LIMCH1: variants seen among roughly 807,000 people sequenced by gnomAD.
The protein encoded by LIMCH1 is LIM and calponin homology domains-containing protein 1.
A neutral mutation model predicts 176.5 loss-of-function variants in LIMCH1; 113 were observed. The observed-to-expected ratio is 0.64, with a 90% CI of 0.55 to 0.75. LIMCH1 has a LOEUF of 0.75. LIMCH1 is among the 30% of genes least tolerant of loss of function. The pLI, the probability that LIMCH1 is intolerant of heterozygous loss-of-function variation, is 0.00. For synonymous variants in LIMCH1, 619 were observed against 645.9 expected, an observed-to-expected ratio of 0.96 and a Z score of 0.63; for missense variants, 1,674 against 1,814.9, an observed-to-expected ratio of 0.92 and a Z score of 1.41.
chr4:41,395,007 C>A (rs1482585931), intron 1 of LIMCH1, among the ~76,000 whole-genome samples: 2 of 152,080 alleles, frequency 1.3e-5, no homozygotes, highest in African/African-American at 4.8e-5. Context: ...AACTGAACTG[C>A]AGATGAATTT....
chr4:41,513,246 T>C (rs2075150539), intron 2 of LIMCH1, among the ~76,000 whole-genome samples: 1 of 152,216 alleles, frequency 6.6e-6, no homozygotes, highest in South Asian at 2.1e-4. Flanking sequence ...AAATACTACA[T>C]GGCTTTTGCA....
Position 41,543,487 on chromosome 4 carries a change from A to G in LIMCH1, c.-241+5137A>G, listed in dbSNP as rs1009968486. On this transcript the variant is annotated intron_variant, in intron 1 of 31. Coordinates refer to ENST00000503057, the MANE Select transcript of LIMCH1 (RefSeq NM_001330672.2). Reference sequence around the variant, plus strand: ...GCTGAGTTTAATATATATGACAACTAAACTTTCGGCCCATATTGCACCAAA... The same window carrying G: ...GCTGAGTTTAATATATATGACAACTGAACTTTCGGCCCATATTGCACCAAA... Among the ~76,000 whole-genome samples, 13 of 152,300 alleles carry G rather than the reference A, an allele frequency of 8.5e-5. No individual in the cohort carries two copies. In the East Asian group the frequency reaches 2.5e-3, roughly 29 times the overall value.
chr4:41,465,190 G>A (rs944657330), intron 1 of LIMCH1, among the ~76,000 whole-genome samples: 4 of 152,036 alleles, frequency 2.6e-5, no homozygotes, highest in Admixed American at 2.6e-4. Context: ...TCTCAGCAGA[G>A]CCCCCAACTT....
In LIMCH1 at chr4:41,430,888, G is replaced by GT. The variant is rs554868026; in HGVS notation, c.97-63638dup. ...TGAAAGCCAGTTGGTTTTCTGTTTT[G>GT]TTTTTTTTTTCTATGTGTCTTTCAG... On this transcript the variant is annotated intron_variant, in intron 1 of 26. Coordinates refer to the LIMCH1 transcript ENST00000313860. Among the ~76,000 whole-genome samples the GT allele has an allele frequency of 2.1e-3, 314 of 147,686 alleles. 1 individual carries two copies. Among genetic ancestry groups the GT allele is most frequent in the South Asian group, 4.1e-3 (19 of 4,666 alleles).
chr4:41,477,326 A>G (rs980475039), intron 1 of LIMCH1, among the ~76,000 whole-genome samples: 1 of 152,144 alleles, frequency 6.6e-6, no homozygotes, highest in African/African-American at 2.4e-5. Flanking sequence ...CAGTAGCTTT[A>G]TGTGAATTAG....
At chr4:41,386,555 A>G (rs1037954927) in intron 1 of LIMCH1, among the ~76,000 whole-genome samples, 47 of 152,190 alleles carry the variant, frequency 3.1e-4, no homozygotes, top group African/African-American at 1.1e-3. Context: ...TGACTTTCCT[A>G]TATTGGATAT....
At chr4:41,476,998 A>G (rs1467374613) in intron 1 of LIMCH1, among the ~76,000 whole-genome samples, 1 of 152,204 alleles carries the variant, frequency 6.6e-6, no homozygotes, top group East Asian at 1.9e-4. Context: ...AGAAGGTGTC[A>G]TAGGCAGTGG....
chr4:41,536,519 GTT>G (rs1266011693), upstream of LIMCH1, among the ~76,000 whole-genome samples: 2 of 151,378 alleles, frequency 1.3e-5, no homozygotes, highest in African/African-American at 4.8e-5. Flanking sequence ...TTCAGTTTAA[GTT>G]TTTGATTTAA....
At chr4:41,472,381 CT>C (rs573301226) in intron 1 of LIMCH1, among the ~76,000 whole-genome samples, 10 of 142,584 alleles carry the variant, frequency 7.0e-5, no homozygotes, top group Non-Finnish European at 1.4e-4. Context: ...TCTTTCCTTC[CT>C]TCCTTCATTC....
chr4:41,606,197 A>G (rs1039023568), intron 4 of LIMCH1, among the ~76,000 whole-genome samples, 193 bp downstream of exon 4: 1 of 152,214 alleles, frequency 6.6e-6, no homozygotes, highest in African/African-American at 2.4e-5. Context: ...CTGCACTTTC[A>G]TACCCTTCAG....
chr4:41,434,335 G>A (rs1271533590), intron 1 of LIMCH1, among the ~76,000 whole-genome samples: 2 of 152,186 alleles, frequency 1.3e-5, no homozygotes, highest in Admixed American at 1.3e-4. Context: ...GAATATCTAG[G>A]GTTGTAGAGC....
intron 1 of LIMCH1, among the ~76,000 whole-genome samples, chr4:41,551,854 T>G (rs958938555): frequency 6.6e-6 from 1 of 152,188 alleles, no homozygotes; most frequent in Non-Finnish European, 1.5e-5. Context: ...ATGTGTACTA[T>G]TTGGCCCTTT....
intron 1 of LIMCH1, among the ~76,000 whole-genome samples, chr4:41,483,395 G>T (rs981573050): frequency 6.6e-6 from 1 of 152,112 alleles, no homozygotes; most frequent in African/African-American, 2.4e-5. Flanking sequence ...ACATAGGAGT[G>T]GGAGAGTCCA....
intron 1 of LIMCH1, among the ~76,000 whole-genome samples, chr4:41,384,409 C>T (rs2056191534): frequency 6.6e-6 from 1 of 151,798 alleles, no homozygotes. Context: ...GGGGTTTCAC[C>T]GTATTAGCCA....
chr4:41,541,149 A>C (rs2078586734), intron 1 of LIMCH1, among the ~76,000 whole-genome samples: 1 of 152,266 alleles, frequency 6.6e-6, no homozygotes, highest in African/African-American at 2.4e-5. Flanking sequence ...AATCCAAAGC[A>C]GTAATGTATC....
At chr4:41,410,111 A>G (rs1040809124) in intron 1 of LIMCH1, among the ~76,000 whole-genome samples, 1 of 152,178 alleles carries the variant, frequency 6.6e-6, no homozygotes, top group South Asian at 2.1e-4. Context: ...CTGGAAAAAA[A>G]AATCAGATTC....
chr4:41,544,401 T>C (rs746840182), intron 1 of LIMCH1, among the ~76,000 whole-genome samples: 88 of 152,322 alleles, frequency 5.8e-4, no homozygotes, highest in Non-Finnish European at 2.9e-4. Context: ...GCAAGGTTTT[T>C]CTTGGCAAGA....
chr4:41,464,717 C>T (rs1296048256), intron 1 of LIMCH1, among the ~76,000 whole-genome samples: 1 of 152,108 alleles, frequency 6.6e-6, no homozygotes, highest in South Asian at 2.1e-4. Flanking sequence ...TTCTAACCTC[C>T]CCAGCATTGT....
At chr4:41,624,068 TAAGAA>T (rs2092773949) in intron 7 of LIMCH1, among the ~76,000 whole-genome samples, 1 of 152,186 alleles carries the variant, frequency 6.6e-6, no homozygotes, top group Admixed American at 6.5e-5. Context: ...GAGGATAAAA[TAAGAA>T]CCAAGATGCA....
Sources: gnomAD v4.1 joint callset for allele counts (sites outside exome capture counted in the v4.1 genomes callset) on GRCh38, gnomAD v4.1.1 for gene constraint, MANE v1.5 for transcripts, NCBI Gene and HGNC (gene_info 2026-07-23, HGNC 2026-07-21) for gene names.